The following TRIO variants were observed in gnomAD, a reference collection of about 807,000 sequenced individuals.
TRIO encodes the protein trio Rho guanine nucleotide exchange factor.
In TRIO, 58 loss-of-function variants were observed where a neutral mutation model predicts 351.9. The ratio of observed to expected loss-of-function variants is 0.16; its 90% CI spans 0.13 to 0.21. TRIO has a LOEUF of 0.21. Ranked by LOEUF, TRIO falls within the 10% of genes least tolerant of loss-of-function variation. The pLI, the probability that TRIO is intolerant of heterozygous loss-of-function variation, is 1.00. For missense variants in TRIO, 3,201 were observed against 4,027.8 expected, an observed-to-expected ratio of 0.79 and a Z score of 5.56; for synonymous variants, 1,758 against 1,595.7, an observed-to-expected ratio of 1.10 and a Z score of -2.42.
chr5:14,288,065 G>A (rs1736593771), intron 4 of TRIO, among the ~76,000 whole-genome samples: 1 of 152,072 alleles, frequency 6.6e-6, no homozygotes, highest in Non-Finnish European at 1.5e-5. Context: ...AACTACTCAG[G>A]TTTACTACAC....
In TRIO at chr5:14,258,589, C is replaced by T. The variant is rs16903341; in HGVS notation, c.158-12236C>T. The stretch of plus-strand genomic sequence containing the variant: ...TCAGCTTTGCAGAGTCTTTTAGGAT[C>T]TTACCCCACTCAGATTGGGCACTGC... On this transcript the variant is annotated intron_variant, in intron 1 of 56. Transcript: ENST00000344204. 6.6e-3 allele frequency among the ~76,000 whole-genome samples: 1,001 copies of T among 152,258 alleles called. 15 individuals carry two copies. The highest frequency in any genetic ancestry group is 0.023 in the African/African-American group (969 of 41,548).
At chr5:14,352,459 T>C (rs961546537) in intron 11 of TRIO, among the ~76,000 whole-genome samples, 1 of 152,252 alleles carries the variant, frequency 6.6e-6, no homozygotes, top group African/African-American at 2.4e-5. Context: ...GGTAAGAATT[T>C]TATAGGCATC....
intron 43 of TRIO, 139 bp downstream of exon 43, chr5:14,480,150 TA>T: frequency 1.4e-6 from 1 of 738,642 alleles, no homozygotes. Context: ...AGTTAAACCT[TA>T]AAAATTTAAA....
chr5:14,352,529 T>A (rs951688849), intron 11 of TRIO, among the ~76,000 whole-genome samples: 21 of 152,382 alleles, frequency 1.4e-4, no homozygotes, highest in African/African-American at 4.6e-4. Flanking sequence ...TACACCATTT[T>A]AAAAACTTAA....
intron 1 of TRIO, among the ~76,000 whole-genome samples, chr5:14,232,933 G>T (rs1269709863): frequency 6.6e-6 from 1 of 152,232 alleles, no homozygotes; most frequent in East Asian, 1.9e-4. Flanking sequence ...GGCAGGCCCT[G>T]TGGGAATACA....
chr5:14,195,601 C>G (rs958352568), intron 1 of TRIO, among the ~76,000 whole-genome samples: 2 of 152,302 alleles, frequency 1.3e-5, no homozygotes, highest in South Asian at 4.1e-4. Context: ...TTTGCCTGAA[C>G]CAGTTGCTAG....
intron 2 of TRIO, among the ~76,000 whole-genome samples, chr5:14,271,188 T>C (rs1036663325): frequency 4.9e-4 from 75 of 152,198 alleles, no homozygotes; most frequent in Non-Finnish European, 5.0e-4. Flanking sequence ...GTAAAAAAAC[T>C]GATTTTAAAA....
At chr5:14,394,825 A>G (rs1487906338) in intron 28 of TRIO, among the ~76,000 whole-genome samples, 1 of 152,212 alleles carries the variant, frequency 6.6e-6, no homozygotes, top group African/African-American at 2.4e-5. Context: ...AATTTGTGCT[A>G]AGAGTTGTCA....
rs1579802648 is a variant in TRIO, at chr5:14,487,707, A to C, written c.7079A>C (p.Gln2360Pro). ...CTGGTCTCCTCTGCAGCCTCGAGCC[A>C]GGCAGAGGCAGACAAGATGTCAGGT... The part of the protein sequence containing the change: ...PVLVSSAASS[Q>P]AEADKMSGTS... Residue 2360 changes from glutamine to proline, a missense_variant, in exon 48 of 57, where the codon CAG (glutamine) becomes CCG (proline). This residue lies in a region of TRIO where 1,089 missense variants were observed against 954.9 expected (regional missense o/e 1.14). Coordinates refer to ENST00000344204, the MANE Select transcript of TRIO (RefSeq NM_007118.4). 7.0e-7 allele frequency: 1 copy of C among 1,432,372 alleles called. No homozygotes were observed. The highest frequency in any genetic ancestry group is 2.3e-5 in the Admixed American group (1 of 42,950). 88.7% of individuals were successfully genotyped at this position (1,432,372 alleles called of 1,614,324 possible).
intron 11 of TRIO, among the ~76,000 whole-genome samples, chr5:14,356,205 T>C (rs1222142629): frequency 6.6e-6 from 1 of 152,246 alleles, no homozygotes. Context: ...ATATTTTATG[T>C]ATGTAAATAT....
chr5:14,303,848 A>G (rs1320896600), intron 7 of TRIO, among the ~76,000 whole-genome samples: 4 of 152,208 alleles, frequency 2.6e-5, no homozygotes, highest in African/African-American at 9.6e-5. Context: ...TAAGATTCAC[A>G]GAGAAGTTCA....
At chr5:14,260,606 T>C (rs1795288135) in intron 1 of TRIO, among the ~76,000 whole-genome samples, 1 of 152,258 alleles carries the variant, frequency 6.6e-6, no homozygotes, top group Admixed American at 6.5e-5. Context: ...AAATCCATGC[T>C]TACTGAAGTG....
At position 14,470,463 on chromosome 5, in the gene TRIO, A is replaced by G. The variant is rs114195852; in HGVS notation, c.5764-855A>G. On this transcript the variant is annotated intron_variant, in intron 37 of 56. Coordinates refer to ENST00000344204, the MANE Select transcript of TRIO (RefSeq NM_007118.4). Reference sequence around the variant, plus strand: ...GCTTTGGGAATGTTAAAAGAACTATAAATCTTATGTGTTCTGTGAATCCAG... The same window carrying G: ...GCTTTGGGAATGTTAAAAGAACTATGAATCTTATGTGTTCTGTGAATCCAG... Among the ~76,000 whole-genome samples, 769 of 152,354 alleles carry G rather than the reference A, an allele frequency of 5.0e-3. 9 individuals are homozygous for G. Among genetic ancestry groups the G allele is most frequent in the African/African-American group, 0.018 (738 of 41,578 alleles).
chr5:14,479,147 AG>A (rs1755328473), intron 41 of TRIO, 113 bp from the exon 42 acceptor site: 1 of 831,812 alleles, frequency 1.2e-6, no homozygotes, highest in African/African-American at 1.7e-5. Context: ...TTAGCTGTGC[AG>A]CTTGGTTTTA....
At chr5:14,157,825 C>A (rs932617143) in intron 1 of TRIO, among the ~76,000 whole-genome samples, 1 of 152,062 alleles carries the variant, frequency 6.6e-6, no homozygotes, top group Non-Finnish European at 1.5e-5. Context: ...TGGGCTCAAG[C>A]GATCCACCTG....
chr5:14,402,457 T>G (rs1348310244), intron 31 of TRIO, among the ~76,000 whole-genome samples: 1 of 152,232 alleles, frequency 6.6e-6, no homozygotes, highest in Non-Finnish European at 1.5e-5. Context: ...CTCATTAATT[T>G]CAGGGATTGC....
intron 27 of TRIO, among the ~76,000 whole-genome samples, chr5:14,392,170 T>G (rs1405688472): frequency 6.6e-6 from 1 of 151,906 alleles, no homozygotes; most frequent in African/African-American, 2.4e-5. Context: ...TGGGAGGAAA[T>G]TTTTGCAGTC....
intron 1 of TRIO, among the ~76,000 whole-genome samples, chr5:14,209,209 T>A (rs1264799012): frequency 6.6e-6 from 1 of 152,228 alleles, no homozygotes; most frequent in Non-Finnish European, 1.5e-5. Flanking sequence ...CCCTATCTGC[T>A]AAAATGAGTA....
At chr5:14,336,447 TTGAC>T in intron 10 of TRIO, 85 bp from the exon 11 acceptor site, 10 of 1,299,158 alleles carry the variant, frequency 7.7e-6, no homozygotes, top group Non-Finnish European at 1.1e-5. Flanking sequence ...ATATCACAAA[TTGAC>T]TGTGTTGCTA....
Sources: gnomAD v4.1 joint callset for allele counts (sites outside exome capture counted in the v4.1 genomes callset) on GRCh38, gnomAD v4.1.1 for gene constraint, gnomAD v4.1.1 regional missense constraint, MANE v1.5 for transcripts, NCBI Gene and HGNC (gene_info 2026-07-23, HGNC 2026-07-21) for gene names.